NHS: variants seen among roughly 807,000 people sequenced by gnomAD.
The protein encoded by NHS is actin remodeling regulator NHS.
In NHS, 5 loss-of-function variants were observed where a neutral mutation model predicts 72.5. The ratio of observed to expected loss-of-function variants is 0.07; its 90% confidence interval spans 0.04 to 0.14. The LOEUF (loss-of-function observed/expected upper bound fraction) is 0.14. Ranked by LOEUF, NHS falls within the 10% of genes least tolerant of loss-of-function variation. NHS has a pLI of 1.00. For synonymous variants in NHS, 464 were observed against 547.7 expected (o/e 0.85, Z 2.13); for missense variants, 1,072 against 1,355.7 (o/e 0.79, Z 3.29).
intron 1 of NHS, among the ~76,000 whole-genome samples, chrX:17,403,832 C>T (rs771153668): frequency 3.0e-4 from 34 of 111,628 alleles, no homozygotes; most frequent in African/African-American, 1.1e-3. Context: ...CACATCTGCT[C>T]CTTTGTGGCT....
At chrX:17,454,376 A>G (rs1328514047) in intron 1 of NHS, among the ~76,000 whole-genome samples, 8 of 111,852 alleles carry the variant, frequency 7.2e-5, no homozygotes, top group Non-Finnish European at 1.5e-4. Context: ...GGTCCTAGTC[A>G]CTGGCAATCC....
intron 1 of NHS, among the ~76,000 whole-genome samples, chrX:17,489,651 C>A (rs2064981899): frequency 9.0e-6 from 1 of 111,658 alleles, no homozygotes; most frequent in Non-Finnish European, 1.9e-5. Flanking sequence ...CCACGCCCAG[C>A]TAATTTTTTG....
intron 1 of NHS, among the ~76,000 whole-genome samples, chrX:17,663,930 T>G (rs1475418432): frequency 8.9e-6 from 1 of 112,202 alleles, no homozygotes; most frequent in East Asian, 2.8e-4. Context: ...GGTTTTCATT[T>G]GCATTTCTGT....
At chrX:17,405,742 G>A (rs962588478) in intron 1 of NHS, among the ~76,000 whole-genome samples, 3 of 112,545 alleles carry the variant, frequency 2.7e-5, no homozygotes, top group Non-Finnish European at 3.8e-5. Context: ...TTTTCCACAC[G>A]TGCCTCGTAG....
intron 1 of NHS, among the ~76,000 whole-genome samples, chrX:17,422,169 C>T (rs190812405): frequency 3.1e-3 from 344 of 112,236 alleles, no homozygotes; most frequent in African/African-American, 0.01. Context: ...TAAATGGAAT[C>T]GTACAATAAT....
In NHS at chrX:17,376,204, C is replaced by G. The variant is rs1016293630; in HGVS notation, c.447C>G (p.Leu149=). ...LSDVARHACS[L]FQELESDIQL... ...ACGTGGCCCGGCACGCTTGCAGCCT[C>G]TTCCAGGAGCTCGAGAGCGACATCC... Residue 149 remains leucine, a synonymous_variant, in exon 1 of 9, where the codon CTC becomes CTG. Transcript: ENST00000676302. 4 of 1,188,098 alleles carry G rather than the reference C, an allele frequency of 3.4e-6. No individual in the cohort carries two copies. The highest frequency in any genetic ancestry group is 4.5e-6 in the Non-Finnish European group (4 of 889,910).
rs778769677 is a variant in NHS at position 17,572,015 on chromosome X, A to G, written c.566-115727A>G. Reference sequence around the variant, plus strand: ...TAATCCTGAGTTCTAGTTCGATTGCACTGTGGTCTGAGAGACATTTTGTTG... The same window carrying G: ...TAATCCTGAGTTCTAGTTCGATTGCGCTGTGGTCTGAGAGACATTTTGTTG... On this transcript the variant is annotated intron_variant, in intron 1 of 8. Coordinates refer to ENST00000676302, the MANE Select transcript of NHS (RefSeq NM_001291867.2). 4.5e-5 allele frequency among the ~76,000 whole-genome samples: 5 copies of G among 112,335 alleles called. No homozygotes were observed. The South Asian group carries it at 1.8e-3, about 41-fold the overall frequency.
intron 1 of NHS, among the ~76,000 whole-genome samples, chrX:17,587,603 C>T (rs2065582175): frequency 8.9e-6 from 1 of 112,457 alleles, no homozygotes; most frequent in Admixed American, 9.4e-5. Context: ...GTGCACTCAG[C>T]ACTTGACTAA....
chrX:17,425,395 C>T (rs186773366), intron 1 of NHS, among the ~76,000 whole-genome samples: 1 of 109,276 alleles, frequency 9.2e-6, no homozygotes, highest in African/African-American at 3.3e-5. Flanking sequence ...CCTTGGATGT[C>T]ATCAACCACT....
intron 1 of NHS, among the ~76,000 whole-genome samples, chrX:17,607,529 C>T (rs1236078170): frequency 1.8e-5 from 2 of 111,641 alleles, no homozygotes; most frequent in Admixed American, 1.9e-4. Flanking sequence ...TTTTCTGTTT[C>T]TCCCCCTAGT....
intron 1 of NHS, among the ~76,000 whole-genome samples, chrX:17,563,805 G>A (rs913750523): frequency 9.1e-6 from 1 of 109,781 alleles, no homozygotes; most frequent in Non-Finnish European, 1.9e-5. Context: ...GTGGGTGGAC[G>A]GGTGGGGGAG....
At chrX:17,580,203 A>T (rs753739720) in intron 1 of NHS, among the ~76,000 whole-genome samples, 2 of 111,342 alleles carry the variant, frequency 1.8e-5, no homozygotes, top group East Asian at 5.7e-4. Context: ...AGAAGGGAAA[A>T]GATGGACTGT....
At position 17,481,933 on chromosome X, in the gene NHS, G is replaced by A. The variant is rs73636648; in HGVS notation, c.565+105611G>A. ...CAAAAGGTCAAGAAGCAATCAAAAT[G>A]CACTTTTGATATTATGTCTATGACA... On this transcript the variant is annotated intron_variant, in intron 1 of 8. Transcript: ENST00000676302. Among the ~76,000 whole-genome samples, 861 of 112,003 alleles carry A rather than the reference G, an allele frequency of 7.7e-3. 10 individuals carry two copies. Among genetic ancestry groups the A allele is most frequent in the African/African-American group, 0.027 (829 of 30,795 alleles).
At chrX:17,644,770 T>C (rs986549719) in intron 1 of NHS, among the ~76,000 whole-genome samples, 1 of 111,381 alleles carries the variant, frequency 9.0e-6, no homozygotes, top group African/African-American at 3.3e-5. Flanking sequence ...TGTTATGTAA[T>C]ATAAAATAAT....
At chrX:17,578,314 G>T (rs2065522384) in intron 1 of NHS, among the ~76,000 whole-genome samples, 1 of 112,109 alleles carries the variant, frequency 8.9e-6, no homozygotes. Flanking sequence ...TTAGTTGTGG[G>T]TGCTGAGGCC....
At chrX:17,661,309 G>T (rs895987993) in intron 1 of NHS, among the ~76,000 whole-genome samples, 10 of 110,338 alleles carry the variant, frequency 9.1e-5, no homozygotes, top group Non-Finnish European at 1.9e-4. Context: ...GAACGTGCAG[G>T]TTTGTTACAT....
At chrX:17,423,486 G>A (rs905377056) in intron 1 of NHS, among the ~76,000 whole-genome samples, 1 of 110,982 alleles carries the variant, frequency 9.0e-6, no homozygotes, top group Admixed American at 9.6e-5. Flanking sequence ...TAGCATGAGA[G>A]CCTTGTCTGT....
At chrX:17,412,597 TAAG>T (rs1317906380) in intron 1 of NHS, among the ~76,000 whole-genome samples, 2 of 110,955 alleles carry the variant, frequency 1.8e-5, no homozygotes, top group Non-Finnish European at 3.8e-5. Context: ...GACCCTGTCT[TAAG>T]AAGAAAGAGA....
chrX:17,667,640 G>A (rs2066020372), intron 1 of NHS, among the ~76,000 whole-genome samples: 1 of 111,605 alleles, frequency 9.0e-6, no homozygotes, highest in Non-Finnish European at 1.9e-5. Context: ...CCAGATGTAG[G>A]TATTGTTTGG....
Sources: allele counts gnomAD v4.1 joint callset (sites outside exome capture counted in the v4.1 genomes callset), GRCh38; gene constraint gnomAD v4.1.1; transcripts MANE v1.5; gene names NCBI Gene and HGNC (gene_info 2026-07-23, HGNC 2026-07-21).